PRP4K: variants seen among roughly 807,000 people sequenced by gnomAD.
PRP4K encodes the protein pre-mRNA processing factor kinase PRP4K, also known as serine/threonine-protein kinase PRP4 homolog.
chr6:4,028,415 C>T, the PRP4K span, among the ~76,000 whole-genome samples: 1 of 152,158 alleles, frequency 6.6e-6, no homozygotes, highest in Non-Finnish European at 1.5e-5. Context: ...CCATGGTCCC[C>T]AGGCTGGCCT....
chr6:4,032,636 TAGA>T, the PRP4K span: 1 of 1,613,990 alleles, frequency 6.2e-7, no homozygotes, highest in Non-Finnish European at 8.5e-7. Context: ...TTTTGAATGA[TAGA>T]AGATCTAAGC....
At chr6:4,058,917 G>A in the PRP4K span, 1 of 885,728 alleles carries the variant, frequency 1.1e-6, no homozygotes, top group Non-Finnish European at 1.7e-6. Context: ...CCAAAAGTAA[G>A]TATTTCCTTT....
the PRP4K span, chr6:4,056,833 C>T: frequency 9.2e-5 from 99 of 1,080,098 alleles, no homozygotes; most frequent in East Asian, 2.7e-3. Flanking sequence ...TCCTCCCCTA[C>T]ACCTCCATTT....
the PRP4K span, chr6:4,021,346 T>C: frequency 6.5e-7 from 1 of 1,544,998 alleles, no homozygotes; most frequent in Non-Finnish European, 8.8e-7. Flanking sequence ...CGGCAGCTCT[T>C]TTCCTTCTTC....
the PRP4K span, chr6:4,056,720 A>G: frequency 6.6e-7 from 1 of 1,526,116 alleles, no homozygotes; most frequent in East Asian, 2.6e-5. Context: ...ATTGTATGGG[A>G]CCTTTGTTTT....
chr6:4,062,722 C>T, the PRP4K span: 4 of 152,500 alleles, frequency 2.6e-5, no homozygotes, highest in South Asian at 2.1e-4. This position sits in a 1 kb window ranked among gnomAD's most constrained non-coding sequence, Gnocchi z 4.2. Flanking sequence ...ACCTACACCC[C>T]GTCTCTTCAC....
chr6:4,038,919 C>CTTTTTTTTTTTTTT, the PRP4K span, among the ~76,000 whole-genome samples: 10 of 144,298 alleles, frequency 6.9e-5, no homozygotes, highest in African/African-American at 1.5e-4. Context: ...AATTTTTGTG[C>CTTTTTTTTTTTTTT]TTTTTTTTTT....
chr6:4,021,489 C>T, the PRP4K span: 3 of 1,572,724 alleles, frequency 1.9e-6, no homozygotes, highest in Non-Finnish European at 2.6e-6. Context: ...TGTGAGTGGG[C>T]CAGAAGCTGG....
At chr6:4,057,751 CTTTTTT>C in the PRP4K span, among the ~76,000 whole-genome samples, 1 of 81,082 alleles carries the variant, frequency 1.2e-5, no homozygotes. Context: ...CATAACTTAG[CTTTTTT>C]TTTTTTTTTT....
At chr6:4,050,486 T>C in the PRP4K span, 13 of 248,816 alleles carry the variant, frequency 5.2e-5, no homozygotes, top group African/African-American at 2.6e-4. Context: ...TATGCCGTCC[T>C]TTGCTTTATC....
the PRP4K span, among the ~76,000 whole-genome samples, chr6:4,029,251 G>T: frequency 1.3e-5 from 2 of 151,110 alleles, no homozygotes; most frequent in African/African-American, 4.9e-5. Context: ...ATATATAACT[G>T]CCTTTTGTCA....
At chr6:4,026,651 C>G in the PRP4K span, among the ~76,000 whole-genome samples, 1 of 152,074 alleles carries the variant, frequency 6.6e-6, no homozygotes, top group Non-Finnish European at 1.5e-5. Context: ...TTACTGAGCA[C>G]CTGCTATAGA....
chr6:4,055,918 T>C, the PRP4K span, among the ~76,000 whole-genome samples: 2 of 152,240 alleles, frequency 1.3e-5, no homozygotes, highest in South Asian at 2.1e-4. Context: ...TCATTGCCAT[T>C]GTAATTCTCT....
the PRP4K span, among the ~76,000 whole-genome samples, chr6:4,027,513 G>C: frequency 2.8e-5 from 4 of 143,826 alleles, no homozygotes; most frequent in African/African-American, 1.0e-4. Context: ...ATTCTTATTA[G>C]CAGCCCTCTC....
chr6:4,035,249 C>G, the PRP4K span, among the ~76,000 whole-genome samples: 1 of 140,162 alleles, frequency 7.1e-6, no homozygotes, highest in African/African-American at 2.7e-5. Flanking sequence ...CCCCGAGTAG[C>G]TGGGACTACA....
chr6:4,022,734 AT>A, the PRP4K span, among the ~76,000 whole-genome samples: 17 of 152,334 alleles, frequency 1.1e-4, no homozygotes, highest in South Asian at 2.7e-3. Context: ...GAACAAATGG[AT>A]TCTGAAGTTT....
the PRP4K span, among the ~76,000 whole-genome samples, chr6:4,047,724 T>G: frequency 6.6e-6 from 1 of 152,208 alleles, no homozygotes; most frequent in South Asian, 2.1e-4. Context: ...TTTCTTAAAT[T>G]TTTATTGATG....
the PRP4K span, among the ~76,000 whole-genome samples, chr6:4,041,700 G>C: frequency 6.6e-6 from 1 of 152,170 alleles, no homozygotes; most frequent in Admixed American, 6.5e-5. Context: ...TTGTTGGCTA[G>C]AGGCCAGGGA....
the PRP4K span, among the ~76,000 whole-genome samples, chr6:4,059,835 G>T: frequency 1.3e-5 from 2 of 152,118 alleles, no homozygotes; most frequent in Non-Finnish European, 2.9e-5. Flanking sequence ...TAGTAGAGAT[G>T]GGTTTTGCAG....
Sources: allele counts gnomAD v4.1 joint callset (sites outside exome capture counted in the v4.1 genomes callset), GRCh38; gene constraint gnomAD v4.1.1; non-coding constraint Gnocchi (gnomAD v3.1); transcripts MANE v1.5; gene names NCBI Gene and HGNC (gene_info 2026-07-23, HGNC 2026-07-21).